USH2A: variants seen among roughly 807,000 people sequenced by gnomAD.
USH2A encodes the protein Usher syndrome 2A (autosomal recessive, mild).
In USH2A, 443 loss-of-function variants were observed where a neutral mutation model predicts 538.9. That is an observed-to-expected ratio of 0.82 (90% CI 0.76 to 0.89). The LOEUF (loss-of-function observed/expected upper bound fraction) is 0.89. Ranked by LOEUF, USH2A falls within the 40% of genes least tolerant of loss-of-function variation. The pLI is 0.00. For missense variants in USH2A, 6,633 were observed against 6,324.8 expected, an observed-to-expected ratio of 1.05 and a Z score of -1.65; for synonymous variants, 2,413 against 2,273.5, an observed-to-expected ratio of 1.06 and a Z score of -1.75.
At chr1:215,916,332 G>T (rs1665953631) in intron 38 of USH2A, among the ~76,000 whole-genome samples, 1 of 88,820 alleles carries the variant, frequency 1.1e-5, no homozygotes, top group Non-Finnish European at 2.3e-5. Flanking sequence ...AAAGAAACAT[G>T]TGCAAAAATA....
At chr1:216,167,837 A>T (rs1302977734) in intron 21 of USH2A, among the ~76,000 whole-genome samples, 1 of 152,104 alleles carries the variant, frequency 6.6e-6, no homozygotes, top group Non-Finnish European at 1.5e-5. Flanking sequence ...TGAGAATGCA[A>T]AAATTGAGGT....
intron 61 of USH2A, among the ~76,000 whole-genome samples, chr1:215,686,992 T>TTCCTGACCCACTATCAGAACCAC (rs1558054260): frequency 6.6e-6 from 1 of 151,870 alleles, no homozygotes; most frequent in African/African-American, 2.4e-5. Context: ...ATCAGAACCA[T>TTCCTGACCCACTATCAGAACCAC]GCCTTCCTGA....
At chr1:216,422,583 C>T in intron 1 of USH2A, 43 bp from the exon 2 acceptor site, 3 of 492,600 alleles carry the variant, frequency 6.1e-6, no homozygotes, top group Non-Finnish European at 1.1e-5. Context: ...AGCTGCTGCA[C>T]CTTTAAAACT....
In USH2A at chr1:216,325,332, T is replaced by A. The variant is rs754923350; in HGVS notation, c.1116A>T (p.Ser372=). The A allele has an allele frequency of 1.2e-6, 2 of 1,613,800 alleles. No homozygotes were observed. Among genetic ancestry groups the A allele is most frequent in the Non-Finnish European group, 1.7e-6 (2 of 1,179,842 alleles). ...GATACTGTCCATTTTCCAAATCAAC[T>A]GAAATAGTCACTCCTTGATTAAGCT... ...ITQLNQGVTI[S]VDLENGQYQV... The change falls in exon 6 of 72, where the codon TCA becomes TCT. Residue 372 remains serine (S), a synonymous_variant. Coordinates refer to ENST00000307340, the MANE Select transcript of USH2A (RefSeq NM_206933.4).
intron 62 of USH2A, 129 bp from the exon 63 acceptor site, chr1:215,675,745 G>A: frequency 6.5e-7 from 1 of 1,526,866 alleles, no homozygotes; most frequent in Non-Finnish European, 8.9e-7. Context: ...GAAGTATTCT[G>A]ATATTAATTG....
At chr1:216,024,276 C>T (rs1668912199) in intron 32 of USH2A, among the ~76,000 whole-genome samples, 1 of 151,982 alleles carries the variant, frequency 6.6e-6, no homozygotes, top group South Asian at 2.1e-4. Context: ...GAGCTTTAGG[C>T]CTCAGTTTTC....
intron 14 of USH2A, among the ~76,000 whole-genome samples, chr1:216,223,146 C>G (rs1278921355): frequency 1.3e-5 from 2 of 151,678 alleles, no homozygotes; most frequent in African/African-American, 2.4e-5. Context: ...AATAAAAATT[C>G]ATGTTGTTTT....
chr1:216,338,758 C>T (rs1017564356), intron 4 of USH2A, among the ~76,000 whole-genome samples: 219 of 151,028 alleles, frequency 1.5e-3, no homozygotes, highest in African/African-American at 5.1e-3. Flanking sequence ...TTCACAGAGG[C>T]GAAAACTCAA....
chr1:216,046,360 G>A (rs1185587863), intron 32 of USH2A, 71 bp downstream of exon 32: 1 of 1,583,906 alleles, frequency 6.3e-7, no homozygotes, highest in African/African-American at 1.3e-5. Flanking sequence ...TGGATATCGA[G>A]AGCCAACTAT....
chr1:215,978,989 A>G (rs1157920009), intron 35 of USH2A, among the ~76,000 whole-genome samples: 1 of 152,194 alleles, frequency 6.6e-6, no homozygotes, highest in Non-Finnish European at 1.5e-5. Context: ...GTCCCTTCTC[A>G]TGCTAATAAT....
intron 26 of USH2A, among the ~76,000 whole-genome samples, chr1:216,081,664 T>G (rs1308271977): frequency 6.6e-6 from 1 of 152,130 alleles, no homozygotes; most frequent in Non-Finnish European, 1.5e-5. Context: ...CAATCACAGG[T>G]CACTGCAGCC....
chr1:216,128,014 A>G (rs903900487), intron 21 of USH2A, among the ~76,000 whole-genome samples: 9 of 152,160 alleles, frequency 5.9e-5, no homozygotes, highest in African/African-American at 2.2e-4. Flanking sequence ...ATGAGATGGG[A>G]TGTTTAATTT....
At chr1:216,231,360 C>A (rs573788750) in intron 14 of USH2A, among the ~76,000 whole-genome samples, 2 of 139,426 alleles carry the variant, frequency 1.4e-5, no homozygotes, top group Admixed American at 1.5e-4. Flanking sequence ...ATGTCTTTTC[C>A]TGTCTTTCTC....
rs79461546 is a variant in USH2A, at chr1:215,808,272, A to G, written c.9739+5464T>C. 4.1e-3 allele frequency among the ~76,000 whole-genome samples: 623 copies of G among 152,266 alleles called. 35 individuals carry two copies. In the East Asian group the frequency reaches 0.11, roughly 27 times the overall value. ...TGTTCTACTAACATATGAGAAAAATATATTAAGTCACTCATACACAGTCAT... is the reference window on the plus strand; with the variant it reads ...TGTTCTACTAACATATGAGAAAAATGTATTAAGTCACTCATACACAGTCAT... On this transcript the variant is annotated intron_variant, in intron 49 of 71. Transcript: ENST00000307340.
intron 38 of USH2A, among the ~76,000 whole-genome samples, chr1:215,910,961 G>C (rs188727741): frequency 6.6e-6 from 1 of 151,714 alleles, no homozygotes; most frequent in Admixed American, 6.6e-5. Flanking sequence ...AAATTCACAA[G>C]GTTTAGAAAA....
intron 5 of USH2A, among the ~76,000 whole-genome samples, chr1:216,326,106 T>C (rs1052409442): frequency 6.6e-6 from 1 of 152,350 alleles, no homozygotes; most frequent in Admixed American, 6.5e-5. Flanking sequence ...TGTCAATGGT[T>C]TCCTGTGACT....
rs547447954 is a variant in USH2A, at chr1:215,667,997, T to C, written c.14133+2975A>G. Among the ~76,000 whole-genome samples the C allele has an allele frequency of 5.3e-5, 8 of 152,342 alleles. No homozygotes were observed. In the South Asian group the frequency reaches 1.5e-3, roughly 28 times the overall value. On this transcript the variant is annotated intron_variant, in intron 64 of 71. Coordinates refer to ENST00000307340, the MANE Select transcript of USH2A (RefSeq NM_206933.4). ...ATGTGGGTGGCAACCTCCCCAACTA[T>C]ACATCCTCACGATCTTCTGATTAAT...
At chr1:216,043,573 G>A (rs2030382472) in intron 32 of USH2A, among the ~76,000 whole-genome samples, 1 of 152,092 alleles carries the variant, frequency 6.6e-6, no homozygotes, top group Non-Finnish European at 1.5e-5. Context: ...GGCTTCTATT[G>A]TAATAATACA....
intron 34 of USH2A, among the ~76,000 whole-genome samples, chr1:215,997,132 T>C (rs1189661166): frequency 1.3e-5 from 2 of 152,184 alleles, no homozygotes; most frequent in African/African-American, 4.8e-5. Context: ...TAAAATGTTC[T>C]GGTTCATTTA....
Sources: allele counts gnomAD v4.1 joint callset (sites outside exome capture counted in the v4.1 genomes callset), GRCh38; gene constraint gnomAD v4.1.1; transcripts MANE v1.5; gene names NCBI Gene and HGNC (gene_info 2026-07-23, HGNC 2026-07-21).